The following EHHADH variants were observed in gnomAD, a reference collection of about 807,000 sequenced individuals.
EHHADH encodes the protein enoyl-CoA hydratase and 3-hydroxyacyl CoA dehydrogenase, also known as peroxisomal bifunctional enzyme.
Under a neutral mutation model 64.4 loss-of-function variants are expected in EHHADH, and 48 were observed. The observed-to-expected ratio is 0.75, with a 90% CI of 0.59 to 0.95. The LOEUF (loss-of-function observed/expected upper bound fraction) is 0.95. Among genes scored for constraint, EHHADH ranks in the 40% least tolerant of loss-of-function variants. The pLI is 0.00. For missense variants in EHHADH, 854 were observed against 876.6 expected, an observed-to-expected ratio of 0.97 and a Z score of 0.33; for synonymous variants, 308 against 326.7, an observed-to-expected ratio of 0.94 and a Z score of 0.62.
At chr3:185,200,763 A>T (rs1267079601) in intron 6 of EHHADH, among the ~76,000 whole-genome samples, 1 of 152,206 alleles carries the variant, frequency 6.6e-6, no homozygotes, top group Non-Finnish European at 1.5e-5. Flanking sequence ...CTGTCCTGAC[A>T]GGCCTGGGAG....
intron 5 of EHHADH, among the ~76,000 whole-genome samples, chr3:185,213,119 CAAAAAAAAAAAAAA>C (rs550233979): frequency 2.3e-4 from 10 of 43,038 alleles, no homozygotes; most frequent in Admixed American, 4.0e-4. Flanking sequence ...GACTCTGTCT[CAAAAAAAAAAAAAA>C]AAAAAAAAAA....
chr3:185,245,617 G>A (rs1250063497), intron 2 of EHHADH: 4 of 730,262 alleles, frequency 5.5e-6, no homozygotes, highest in Non-Finnish European at 1.0e-5. Flanking sequence ...ATCAGCATGT[G>A]TGACAAGTGA....
intron 1 of EHHADH, among the ~76,000 whole-genome samples, chr3:185,249,809 AT>A (rs1430013864): frequency 6.6e-6 from 1 of 151,724 alleles, no homozygotes; most frequent in Non-Finnish European, 1.5e-5. Flanking sequence ...TAAAGACTAT[AT>A]TTTCCAGCCT....
Position 185,192,987 on chromosome 3 carries a change from C to T in EHHADH, c.1411G>A (p.Val471Ile). 6 of 1,614,224 alleles carry T rather than the reference C, an allele frequency of 3.7e-6. No individual in the cohort carries two copies. Among genetic ancestry groups the T allele is most frequent in the Non-Finnish European group, 5.1e-6 (6 of 1,180,044 alleles). The change falls in exon 7 of 7, where the codon GTC becomes ATC. Residue 471 changes from valine to isoleucine, a missense_variant. By Grantham distance (29) the Val-to-Ile change is conservative. Transcript: ENST00000231887. ...NLSKKIKKIGVVVGNCFGFVG... is the reference protein window; with the variant it reads ...NLSKKIKKIGIVVGNCFGFVG... ...AATCCAAAACAGTTGCCTACAACGA[C>T]TCCAATCTTTTTAATCTTTTTTGAT...
At position 185,251,371 on chromosome 3, in the gene EHHADH, G is replaced by A. The variant is rs753119761; in HGVS notation, c.74+2578C>T. On this transcript the variant is annotated intron_variant, in intron 1 of 6. Transcript: ENST00000231887. ...GGTTTTGTTTTAGGAAACTGCTTTCGGTTACGTGTTTGTATGTAAGTGTGT... is the reference window on the plus strand; with the variant it reads ...GGTTTTGTTTTAGGAAACTGCTTTCAGTTACGTGTTTGTATGTAAGTGTGT... 5.3e-5 allele frequency among the ~76,000 whole-genome samples: 8 copies of A among 152,232 alleles called. 2 individuals are homozygous for A. In the South Asian group the frequency reaches 1.0e-3, roughly 20 times the overall value.
intron 2 of EHHADH, chr3:185,245,362 T>A (rs1244564941): frequency 4.9e-6 from 2 of 406,148 alleles, no homozygotes; most frequent in Non-Finnish European, 8.5e-6. Context: ...TTGGCAGCTT[T>A]TTTATCTTGC....
intron 4 of EHHADH, among the ~76,000 whole-genome samples, chr3:185,227,937 C>T (rs116029566): frequency 9.5e-4 from 145 of 151,904 alleles, no homozygotes; most frequent in African/African-American, 3.1e-3. Flanking sequence ...ATCCGATTTT[C>T]GCCACATCAC....
intron 2 of EHHADH, among the ~76,000 whole-genome samples, chr3:185,242,022 C>T (rs1223972360): frequency 1.3e-5 from 2 of 152,034 alleles, no homozygotes; most frequent in African/African-American, 4.8e-5. Context: ...TGTGGCTAAC[C>T]AATTATCCCA....
chr3:185,231,743 A>G (rs1361614017), intron 3 of EHHADH, among the ~76,000 whole-genome samples: 1 of 152,228 alleles, frequency 6.6e-6, no homozygotes, highest in African/African-American at 2.4e-5. Flanking sequence ...TATCCAGAAT[A>G]GGCAAATCTA....
At chr3:185,239,745 T>C (rs1719396183) in intron 2 of EHHADH, among the ~76,000 whole-genome samples, 1 of 151,544 alleles carries the variant, frequency 6.6e-6, no homozygotes, top group Admixed American at 6.6e-5. Context: ...TCTGACTTCC[T>C]CTTTTCCAAT....
chr3:185,232,005 C>T (rs1719147662), intron 3 of EHHADH, among the ~76,000 whole-genome samples: 1 of 151,790 alleles, frequency 6.6e-6, no homozygotes, highest in African/African-American at 2.4e-5. Flanking sequence ...AATCTCAGTC[C>T]AGACAAGAAG....
At chr3:185,204,155 A>T (rs886346809) in intron 6 of EHHADH, among the ~76,000 whole-genome samples, 167 of 150,948 alleles carry the variant, frequency 1.1e-3, no homozygotes, top group Admixed American at 4.2e-3. Flanking sequence ...AAAAAAAAAA[A>T]AAAGAATAAA....
intron 4 of EHHADH, among the ~76,000 whole-genome samples, chr3:185,225,129 A>G (rs79616497): frequency 9.8e-5 from 15 of 152,328 alleles, no homozygotes; most frequent in African/African-American, 3.6e-4. Context: ...AGAGGCTTAG[A>G]GGAGTTCAGA....
intron 5 of EHHADH, among the ~76,000 whole-genome samples, chr3:185,212,762 T>C (rs1196176414): frequency 6.6e-6 from 1 of 152,090 alleles, no homozygotes; most frequent in East Asian, 1.9e-4. Flanking sequence ...ATTCACAAGG[T>C]TGTGCAACCA....
At chr3:185,197,751 G>T (rs1718104158) in intron 6 of EHHADH, among the ~76,000 whole-genome samples, 1 of 152,146 alleles carries the variant, frequency 6.6e-6, no homozygotes, top group African/African-American at 2.4e-5. Flanking sequence ...ATGCTATTAT[G>T]AACATGAGTG....
intron 6 of EHHADH, among the ~76,000 whole-genome samples, chr3:185,201,810 G>T (rs1250619986): frequency 6.6e-6 from 1 of 152,076 alleles, no homozygotes; most frequent in Non-Finnish European, 1.5e-5. Context: ...TTAAAGAAAG[G>T]TTCACAACAA....
At position 185,229,548 on chromosome 3, in the gene EHHADH, CA is replaced by C. The variant is rs756098041; in HGVS notation, c.352-6del. The C allele has an allele frequency of 2.6e-6, 4 of 1,548,170 alleles. No homozygotes were observed. Among genetic ancestry groups the C allele is most frequent in the Non-Finnish European group, 3.5e-6 (4 of 1,142,224 alleles). On this transcript the variant is annotated splice_region_variant and splice_polypyrimidine_tract_variant and intron_variant, in intron 3 of 6. Transcript: ENST00000231887. The stretch of plus-strand genomic sequence containing the variant: ...TTCTGGTAAGCCAACTTGAGCCTAT[CA>C]AAGATTGAAGGCATAAAGGCCATTA...
intron 6 of EHHADH, among the ~76,000 whole-genome samples, chr3:185,197,106 C>T (rs1179645374): frequency 6.6e-6 from 1 of 151,588 alleles, no homozygotes; most frequent in African/African-American, 2.4e-5. Context: ...AAAATAGATT[C>T]GTGGTTGCCA....
chr3:185,250,740 C>G (rs1719724593), intron 1 of EHHADH, among the ~76,000 whole-genome samples: 1 of 152,196 alleles, frequency 6.6e-6, no homozygotes, highest in South Asian at 2.1e-4. Context: ...CTTTTCACCT[C>G]TTAACCTAGA....
Sources: allele counts gnomAD v4.1 joint callset (sites outside exome capture counted in the v4.1 genomes callset), GRCh38; gene constraint gnomAD v4.1.1; transcripts MANE v1.5; gene names NCBI Gene and HGNC (gene_info 2026-07-23, HGNC 2026-07-21).